FBXL13: variants seen among roughly 807,000 people sequenced by gnomAD.
The protein encoded by FBXL13 is F-box and leucine rich repeat protein 13, also known as F-box and leucine-rich repeat protein 13.
A neutral mutation model predicts 83.6 loss-of-function variants in FBXL13; 67 were observed. The observed-to-expected ratio is 0.80, with a 90% CI of 0.66 to 0.98. The LOEUF is 0.98. Among genes scored for constraint, FBXL13 ranks in the 50% least tolerant of loss-of-function variants. FBXL13 has a pLI of 0.00. For missense variants in FBXL13, 822 were observed against 866.5 expected, an observed-to-expected ratio of 0.95 and a Z score of 0.64; for synonymous variants, 272 against 299.5, an observed-to-expected ratio of 0.91 and a Z score of 0.95.
chr7:102,899,002 C>T (rs1471911558), intron 11 of FBXL13, among the ~76,000 whole-genome samples: 2 of 152,132 alleles, frequency 1.3e-5, no homozygotes, highest in Admixed American at 6.5e-5. Context: ...CTGCAACCTC[C>T]ATCTTCGGGT....
intron 6 of FBXL13, among the ~76,000 whole-genome samples, chr7:103,014,156 T>C (rs1791975281): frequency 6.6e-6 from 1 of 152,146 alleles, no homozygotes; most frequent in African/African-American, 2.4e-5. Context: ...GACAGTAAGA[T>C]TATAAAAAGG....
chr7:103,035,796 T>G (rs545074476), intron 2 of FBXL13, among the ~76,000 whole-genome samples: 1 of 152,364 alleles, frequency 6.6e-6, no homozygotes, highest in South Asian at 2.1e-4. Flanking sequence ...TTTTGCTCAG[T>G]TAACCTGTGA....
chr7:103,003,061 A>G (rs1225172511), intron 6 of FBXL13, among the ~76,000 whole-genome samples: 4 of 151,914 alleles, frequency 2.6e-5, no homozygotes, highest in Non-Finnish European at 5.9e-5. Flanking sequence ...GTTATTCTCT[A>G]TATCTTGTAG....
At chr7:102,812,816 T>C (rs1027612029), downstream of FBXL13, among the ~76,000 whole-genome samples, 7 of 151,866 alleles carry the variant, frequency 4.6e-5, no homozygotes, top group Admixed American at 3.9e-4. Context: ...AGAAATTTTG[T>C]GTAGTCAGTA....
intron 6 of FBXL13, among the ~76,000 whole-genome samples, chr7:102,986,595 G>A (rs1828983710): frequency 6.6e-6 from 1 of 152,104 alleles, no homozygotes; most frequent in Non-Finnish European, 1.5e-5. Flanking sequence ...CTTCATGGGT[G>A]CTTGGCTGTG....
chr7:102,885,986 A>AGACATATAGACATAAGGATAG, intron 11 of FBXL13, among the ~76,000 whole-genome samples: 1 of 152,262 alleles, frequency 6.6e-6, no homozygotes, highest in East Asian at 1.9e-4. Flanking sequence ...CTATATGTCT[A>AGACATATAGACATAAGGATAG]TCCTTATGCC....
rs1808948996 is a variant in FBXL13 at position 102,874,401 on chromosome 7, G to T, written c.1635+3066C>A. 5 of 980,802 alleles carry T rather than the reference G, an allele frequency of 5.1e-6. No individual in the cohort carries two copies. In the South Asian group the frequency reaches 2.4e-4, roughly 46 times the overall value. The allele number at this position is 980,802 out of a possible 1,614,324, so 60.8% of individuals were successfully genotyped here. On this transcript the variant is annotated intron_variant, in intron 16 of 19. Coordinates refer to ENST00000313221, the Ensembl canonical transcript of FBXL13. ...TCAGAGTTTAACTGACTTGGAGGAA[G>T]AAAACAACAGAAGACTTATTTTTTT...
chr7:102,910,055 C>A (rs1814397797), intron 11 of FBXL13, among the ~76,000 whole-genome samples: 1 of 152,164 alleles, frequency 6.6e-6, no homozygotes, highest in Non-Finnish European at 1.5e-5. Flanking sequence ...GTTTGTAGAA[C>A]TCAAGTTCTG....
chr7:103,034,490 C>T (rs1794869837), intron 2 of FBXL13, among the ~76,000 whole-genome samples: 1 of 152,232 alleles, frequency 6.6e-6, no homozygotes, highest in Admixed American at 6.5e-5. Flanking sequence ...CGGCTGGCCG[C>T]TCTGAGTGCG....
intron 18 of FBXL13, among the ~76,000 whole-genome samples, chr7:102,824,214 T>C (rs1799234551): frequency 6.6e-6 from 1 of 152,214 alleles, no homozygotes; most frequent in Admixed American, 6.5e-5. Flanking sequence ...AAGGTCCTGC[T>C]CCCAGCCTCA....
At chr7:102,984,621 T>C (rs528658184) in intron 6 of FBXL13, among the ~76,000 whole-genome samples, 4 of 152,330 alleles carry the variant, frequency 2.6e-5, no homozygotes, top group African/African-American at 4.8e-5. Flanking sequence ...AACTACTTAA[T>C]TGATATTTTT....
At chr7:102,910,220 G>A (rs1029811667) in intron 11 of FBXL13, among the ~76,000 whole-genome samples, 2 of 152,044 alleles carry the variant, frequency 1.3e-5, no homozygotes, top group Non-Finnish European at 2.9e-5. Context: ...CCCTTCCCCA[G>A]CACCCAGAGA....
At chr7:102,987,553 T>C (rs1181849942) in intron 6 of FBXL13, among the ~76,000 whole-genome samples, 1 of 152,220 alleles carries the variant, frequency 6.6e-6, no homozygotes, top group Non-Finnish European at 1.5e-5. Context: ...GGATGCATTT[T>C]ATACGAATTT....
rs367989929 is a variant in FBXL13 at position 102,852,579 on chromosome 7, G to GA, written c.1719+2197dup. On this transcript the variant is annotated intron_variant, in intron 17 of 19. Transcript: ENST00000313221. ...CTATACAAATGTCTAACAAACATAT[G>GA]AAAAAAAATGCTCAACATCACAAAT... Among the ~76,000 whole-genome samples, 50 of 151,898 alleles carry GA rather than the reference G, an allele frequency of 3.3e-4. No individual in the cohort carries two copies. The Middle Eastern group carries it at 0.014, about 41-fold the overall frequency.
chr7:102,930,719 T>C (rs1819007489), intron 9 of FBXL13, among the ~76,000 whole-genome samples: 1 of 152,224 alleles, frequency 6.6e-6, no homozygotes, highest in African/African-American at 2.4e-5. Flanking sequence ...AAGTCAGCAT[T>C]CCGTAAGGCT....
At chr7:102,924,641 C>CT (rs71106699) in intron 10 of FBXL13, among the ~76,000 whole-genome samples, 59,704 of 121,046 alleles carry the variant, frequency 0.49, 16,938 homozygotes, top group Non-Finnish European at 0.61. Context: ...GTAAGCTTTT[C>CT]TTTTTTTTTT....
intron 6 of FBXL13, among the ~76,000 whole-genome samples, chr7:103,005,636 T>A (rs1053664981): frequency 6.6e-6 from 1 of 152,214 alleles, no homozygotes; most frequent in Non-Finnish European, 1.5e-5. Context: ...CATCCTCATA[T>A]GGCAGAGAGA....
chr7:103,074,600 C>G (rs1799462744), upstream of FBXL13: 17 of 1,251,776 alleles, frequency 1.4e-5, 1 homozygote, highest in South Asian at 2.1e-4. Flanking sequence ...TCCCCAATCC[C>G]GAAACCTAGT....
At chr7:102,996,352 G>A (rs1789785342) in intron 6 of FBXL13, among the ~76,000 whole-genome samples, 1 of 152,190 alleles carries the variant, frequency 6.6e-6, no homozygotes, top group South Asian at 2.1e-4. Context: ...ATAGGAAAGA[G>A]CATTAGACCA....
Sources: gnomAD v4.1 joint callset for allele counts (sites outside exome capture counted in the v4.1 genomes callset) on GRCh38, gnomAD v4.1.1 for gene constraint, MANE v1.5 for transcripts, NCBI Gene and HGNC (gene_info 2026-07-23, HGNC 2026-07-21) for gene names.